TLL1: variants seen among roughly 807,000 people sequenced by gnomAD.
The protein encoded by TLL1 is tolloid-like protein 1.
A neutral mutation model predicts 128.2 loss-of-function variants in TLL1; 49 were observed. The ratio of observed to expected loss-of-function variants is 0.38; its 90% CI spans 0.30 to 0.48. TLL1 has a LOEUF of 0.48. Ranked by LOEUF, TLL1 falls within the 20% of genes least tolerant of loss-of-function variation. The pLI, the probability that TLL1 is intolerant of heterozygous loss-of-function variation, is 0.96. For synonymous variants in TLL1, 454 were observed against 418.8 expected, an observed-to-expected ratio of 1.08 and a Z score of -1.03; for missense variants, 1,123 against 1,242.0, an observed-to-expected ratio of 0.90 and a Z score of 1.44.
chr4:166,062,198 TG>T (rs1250057625), intron 15 of TLL1, among the ~76,000 whole-genome samples: 1 of 152,128 alleles, frequency 6.6e-6, no homozygotes, highest in Non-Finnish European at 1.5e-5. Flanking sequence ...CGTGGAGATG[TG>T]GGTTCTTTTT....
At chr4:166,099,585 GA>G in intron 20 of TLL1, 58 bp downstream of exon 20, 2 of 1,478,934 alleles carry the variant, frequency 1.4e-6, no homozygotes, top group Non-Finnish European at 1.8e-6. Context: ...ATTGATTCAT[GA>G]TTGATATGTG....
chr4:166,003,292 C>T (rs1311300694), intron 5 of TLL1, 99 bp from the exon 6 acceptor site: 4 of 1,228,184 alleles, frequency 3.3e-6, no homozygotes, highest in East Asian at 4.7e-5. Context: ...ATGTGTCGGA[C>T]TTTATAGCTC....
At chr4:166,009,005 T>G (rs1052728503) in intron 7 of TLL1, among the ~76,000 whole-genome samples, 2 of 151,532 alleles carry the variant, frequency 1.3e-5, no homozygotes, top group African/African-American at 4.8e-5. Flanking sequence ...AAACCAAAGT[T>G]TATTATTTAA....
At chr4:165,937,509 G>T (rs1733818746) in intron 1 of TLL1, among the ~76,000 whole-genome samples, 1 of 152,032 alleles carries the variant, frequency 6.6e-6, no homozygotes, top group Non-Finnish European at 1.5e-5. Context: ...CTTTTTAATT[G>T]TCAGAGCTTA....
At chr4:166,009,505 G>C (rs57243572) in intron 7 of TLL1, among the ~76,000 whole-genome samples, 29,126 of 151,186 alleles carry the variant, frequency 0.19, 3,147 homozygotes, top group East Asian at 0.38. Context: ...ATCTGCTCTT[G>C]TTGCCCGTAG....
At chr4:165,989,616 A>G (rs1008394792) in intron 2 of TLL1, 125 bp downstream of exon 2, 4 of 676,522 alleles carry the variant, frequency 5.9e-6, no homozygotes, top group Non-Finnish European at 1.0e-5. Context: ...ATACACAAAT[A>G]TACATATTTA....
At chr4:166,086,500 A>G (rs909844530) in intron 18 of TLL1, among the ~76,000 whole-genome samples, 2 of 152,074 alleles carry the variant, frequency 1.3e-5, no homozygotes, top group Non-Finnish European at 2.9e-5. Flanking sequence ...TTGCAATTGT[A>G]TGTCTGTCAT....
At position 165,969,389 on chromosome 4, in the gene TLL1, T is replaced by C. The variant is rs528998917; in HGVS notation, c.170-19992T>C. Among the ~76,000 whole-genome samples the C allele has an allele frequency of 3.9e-5, 6 of 152,282 alleles. No individual in the cohort carries two copies. In the East Asian group the frequency reaches 1.2e-3, roughly 29 times the overall value. On this transcript the variant is annotated intron_variant, in intron 1 of 20. Transcript: ENST00000061240. The stretch of plus-strand genomic sequence containing the variant: ...AGTAGACATTCATTTAGAAAGAGTT[T>C]ACAACTCTAAGCCATTAAGCATCAG...
intron 18 of TLL1, among the ~76,000 whole-genome samples, chr4:166,089,515 G>A (rs961193052): frequency 1.3e-5 from 2 of 152,062 alleles, no homozygotes; most frequent in Non-Finnish European, 2.9e-5. Flanking sequence ...ACTCCACTGG[G>A]TTACAGAGAT....
At chr4:165,909,420 C>T (rs758443594) in intron 1 of TLL1, among the ~76,000 whole-genome samples, 1 of 152,124 alleles carries the variant, frequency 6.6e-6, no homozygotes, top group Admixed American at 6.5e-5. Context: ...CGTCAGAATG[C>T]AGGTGATGTT....
chr4:166,026,523 C>CA (rs934947789), intron 9 of TLL1, among the ~76,000 whole-genome samples: 13 of 152,218 alleles, frequency 8.5e-5, no homozygotes, highest in African/African-American at 3.1e-4. Context: ...CCCATCTCTA[C>CA]AAAAAATACA....
rs1228590158 is a variant in TLL1 at position 166,100,764 on chromosome 4, T to C, written c.2930T>C (p.Ile977Thr). 4 of 1,613,076 alleles carry C rather than the reference T, an allele frequency of 2.5e-6. No homozygotes were observed. The highest frequency in any genetic ancestry group is 1.1e-5 in the South Asian group (1 of 91,070). The change falls in exon 21 of 21, where the codon ATT (isoleucine) becomes ACT (threonine). Residue 977 changes from isoleucine to threonine, a missense_variant. Around this residue, in one of 3 missense-constraint regions of TLL1, gnomAD observed 634 missense variants for 672.4 expected, o/e 0.94. Coordinates refer to ENST00000061240, the MANE Select transcript of TLL1 (RefSeq NM_012464.5). ...CAGCCACCAGAAGAGATTTATTCAA[T>C]TGGAGATTCAGTTTTAATTCATTTC... is the stretch of plus-strand genomic sequence containing the variant. ...GSGPPEEIYSIGDSVLIHFHT... is the reference protein window; with the variant it reads ...GSGPPEEIYSTGDSVLIHFHT...
At chr4:165,972,035 C>A (rs764002843) in intron 1 of TLL1, among the ~76,000 whole-genome samples, 1 of 152,120 alleles carries the variant, frequency 6.6e-6, no homozygotes, top group African/African-American at 2.4e-5. Flanking sequence ...TGATATCTTG[C>A]CTGGGGTGGG....
At chr4:165,902,912 G>A (rs953562887) in intron 1 of TLL1, among the ~76,000 whole-genome samples, 14 of 152,178 alleles carry the variant, frequency 9.2e-5, no homozygotes, top group African/African-American at 3.4e-4. Context: ...TGGAGAAAAT[G>A]TTTGTGACTT....
At chr4:165,931,218 C>T (rs1462518896) in intron 1 of TLL1, among the ~76,000 whole-genome samples, 1 of 152,004 alleles carries the variant, frequency 6.6e-6, no homozygotes, top group Non-Finnish European at 1.5e-5. Context: ...CGACTATATT[C>T]CATAATTAAA....
intron 9 of TLL1, among the ~76,000 whole-genome samples, chr4:166,032,249 A>C (rs1738802021): frequency 6.6e-6 from 1 of 152,160 alleles, no homozygotes; most frequent in Non-Finnish European, 1.5e-5. Context: ...CCGAAATGTA[A>C]AAGTGTAGTA....
At chr4:165,899,517 T>C (rs1004852425) in intron 1 of TLL1, among the ~76,000 whole-genome samples, 2 of 152,186 alleles carry the variant, frequency 1.3e-5, no homozygotes, top group African/African-American at 4.8e-5. Flanking sequence ...TCTGTTTCCA[T>C]GTATTTGTGC....
In TLL1 at chr4:166,104,454, G is replaced by A. The variant is rs1214492106; in HGVS notation, c.*3578G>A. Among the ~76,000 whole-genome samples the A allele has an allele frequency of 6.6e-6, 1 of 151,802 alleles. No homozygotes were observed. Among genetic ancestry groups the A allele is most frequent in the Non-Finnish European group, 1.5e-5 (1 of 67,870 alleles). On this transcript the variant is annotated 3_prime_UTR_variant, in exon 21 of 21. Transcript: ENST00000061240. ...GCAGAAAATATAATTGCCTTCTAAA[G>A]ATATATAATTCGAATTGCAGTAATG... is the stretch of plus-strand genomic sequence containing the variant.
At chr4:166,029,158 A>G (rs1738638430) in intron 9 of TLL1, among the ~76,000 whole-genome samples, 1 of 151,682 alleles carries the variant, frequency 6.6e-6, no homozygotes, top group Non-Finnish European at 1.5e-5. Context: ...GCATTGAATT[A>G]TGTTTTTTTA....
Sources: allele counts gnomAD v4.1 joint callset (sites outside exome capture counted in the v4.1 genomes callset), GRCh38; gene constraint gnomAD v4.1.1; regional missense constraint gnomAD v4.1.1; transcripts MANE v1.5; gene names NCBI Gene and HGNC (gene_info 2026-07-23, HGNC 2026-07-21).